The following ROBO1 variants were observed in gnomAD, a reference collection of about 807,000 sequenced individuals.
ROBO1 encodes roundabout guidance receptor 1.
Under a neutral mutation model 195.9 loss-of-function variants are expected in ROBO1, and 149 were observed. That is an observed-to-expected ratio of 0.76 (90% CI 0.67 to 0.87). The LOEUF is 0.87. ROBO1 is among the 40% of genes least tolerant of loss of function. The probability of loss-of-function intolerance (pLI) is 0.00; values close to 1 mark genes in which losing one functional copy is unlikely to be tolerated. For missense variants in ROBO1, 1,933 were observed against 2,068.3 expected, an observed-to-expected ratio of 0.93 and a Z score of 1.27; for synonymous variants, 816 against 733.2, an observed-to-expected ratio of 1.11 and a Z score of -1.82.
At chr3:78,961,004 CTTAT>C (rs2107833277) in intron 3 of ROBO1, among the ~76,000 whole-genome samples, 1 of 152,218 alleles carries the variant, frequency 6.6e-6, no homozygotes, top group South Asian at 2.1e-4. Flanking sequence ...CAATTGGAAT[CTTAT>C]TTATGCCACT....
chr3:78,981,457 G>A, intron 3 of ROBO1, among the ~76,000 whole-genome samples: 1 of 151,778 alleles, frequency 6.6e-6, no homozygotes, highest in East Asian at 1.9e-4. Context: ...TTTTAATTGT[G>A]GTAAAAAACA....
chr3:79,688,149 C>T (rs1404901439), intron 1 of ROBO1, among the ~76,000 whole-genome samples: 1 of 141,484 alleles, frequency 7.1e-6, no homozygotes, highest in Non-Finnish European at 1.5e-5. Context: ...TGTTCTCACT[C>T]ATAGGTGGGA....
rs141593948 is a variant in ROBO1, at chr3:79,423,155, C to A, written c.88+166669G>T. Among the ~76,000 whole-genome samples the A allele has an allele frequency of 2.2e-3, 338 of 152,122 alleles. 2 individuals are homozygous for A. The highest frequency in any genetic ancestry group is 7.6e-3 in the African/African-American group (316 of 41,510). On this transcript the variant is annotated intron_variant, in intron 2 of 30. Transcript: ENST00000464233. ...AACATAGATTCAATTATGTAACAAA[C>A]CTGAGAGTATATAAAAAAATGTTAG...
chr3:79,421,219 T>C (rs1228338935), intron 2 of ROBO1, among the ~76,000 whole-genome samples: 1 of 151,934 alleles, frequency 6.6e-6, no homozygotes, highest in Non-Finnish European at 1.5e-5. Context: ...TGGGACCTAA[T>C]TGAGGTTGGA....
At chr3:78,914,982 T>A (rs1294078486) in intron 4 of ROBO1, among the ~76,000 whole-genome samples, 3 of 151,908 alleles carry the variant, frequency 2.0e-5, no homozygotes, top group Non-Finnish European at 2.9e-5. Context: ...CATTATTAGG[T>A]GTTTGATTAA....
intron 2 of ROBO1, among the ~76,000 whole-genome samples, chr3:79,234,399 T>C (rs146126188): frequency 6.6e-6 from 1 of 152,222 alleles, no homozygotes; most frequent in East Asian, 1.9e-4. Context: ...TCATTCTGCA[T>C]ATAGCCAGCC....
At chr3:79,551,185 A>T (rs7629292) in intron 2 of ROBO1, among the ~76,000 whole-genome samples, 36,343 of 151,192 alleles carry the variant, frequency 0.24, 4,925 homozygotes, top group African/African-American at 0.36. Context: ...ACTTTTTTTT[A>T]AATTTTAATT....
intron 3 of ROBO1, among the ~76,000 whole-genome samples, chr3:78,971,378 A>G (rs1006766747): frequency 6.6e-6 from 1 of 152,114 alleles, no homozygotes; most frequent in Admixed American, 6.5e-5. Context: ...TGGGTGTCCT[A>G]GCAAGACCCT....
chr3:78,619,835 C>T (rs770419871), intron 26 of ROBO1, among the ~76,000 whole-genome samples: 8 of 151,668 alleles, frequency 5.3e-5, no homozygotes, highest in African/African-American at 1.7e-4. Context: ...CTGGCCAACA[C>T]GACGAAACCC....
At chr3:78,802,675 G>C (rs2108583140) in intron 4 of ROBO1, among the ~76,000 whole-genome samples, 2 of 151,670 alleles carry the variant, frequency 1.3e-5, no homozygotes, top group Non-Finnish European at 2.9e-5. Context: ...GACTTTTCTG[G>C]AGAGAATGCT....
At chr3:79,026,890 T>A (rs1054564630) in intron 3 of ROBO1, among the ~76,000 whole-genome samples, 1 of 152,094 alleles carries the variant, frequency 6.6e-6, no homozygotes, top group African/African-American at 2.4e-5. Context: ...GTTTAATGCT[T>A]TTGGTTTTTC....
chr3:79,453,520 C>G (rs1017133043), intron 2 of ROBO1, among the ~76,000 whole-genome samples: 4 of 151,974 alleles, frequency 2.6e-5, no homozygotes, highest in African/African-American at 9.7e-5. Context: ...CGAAGCCTCA[C>G]TTAGGCATAC....
At chr3:78,634,528 C>T (rs770516263) in intron 23 of ROBO1, 50 of 350,524 alleles carry the variant, frequency 1.4e-4, no homozygotes, top group Middle Eastern at 3.7e-4. Context: ...TATGGTCTGA[C>T]ATACCAAATC....
chr3:78,854,800 A>G (rs1407541250), intron 4 of ROBO1, among the ~76,000 whole-genome samples: 1 of 152,148 alleles, frequency 6.6e-6, no homozygotes, highest in African/African-American at 2.4e-5. Flanking sequence ...AATGCGATGA[A>G]GATTATAGGT....
intron 2 of ROBO1, among the ~76,000 whole-genome samples, chr3:79,537,372 T>C (rs1486528322): frequency 6.6e-6 from 1 of 152,142 alleles, no homozygotes; most frequent in African/African-American, 2.4e-5. Flanking sequence ...ACCCTGTGGA[T>C]ATCTGGAGCT....
chr3:78,714,957 GA>G (rs2081863285), intron 7 of ROBO1: 1 of 152,910 alleles, frequency 6.5e-6, no homozygotes, highest in Admixed American at 6.5e-5. Context: ...GGAGGTAAAG[GA>G]ACTTGGCCTT....
intron 4 of ROBO1, among the ~76,000 whole-genome samples, chr3:78,903,023 T>C (rs1440984176): frequency 6.6e-6 from 1 of 152,174 alleles, no homozygotes; most frequent in African/African-American, 2.4e-5. Flanking sequence ...ATTGCTTGTT[T>C]ATAAATACAG....
In ROBO1 at chr3:78,894,920, A is replaced by T. The variant is rs558373279; in HGVS notation, c.499+43681T>A. Among the ~76,000 whole-genome samples, 7 of 152,360 alleles carry T rather than the reference A, an allele frequency of 4.6e-5. No individual in the cohort carries two copies. The East Asian group carries it at 1.3e-3, about 29-fold the overall frequency. On this transcript the variant is annotated intron_variant, in intron 4 of 30. Transcript: ENST00000464233. Reference sequence around the variant, plus strand: ...AAAGAGGCTGGAGCACACGGAACAAAGCTATCTATTGCAGTGGATGAGCTT... The same window carrying T: ...AAAGAGGCTGGAGCACACGGAACAATGCTATCTATTGCAGTGGATGAGCTT...
intron 2 of ROBO1, among the ~76,000 whole-genome samples, chr3:79,299,873 A>G (rs1331654295): frequency 1.3e-5 from 2 of 152,122 alleles, no homozygotes; most frequent in African/African-American, 2.4e-5. Context: ...GGCTCCAGAA[A>G]GTCTACTAAA....
Sources: allele counts gnomAD v4.1 joint callset (sites outside exome capture counted in the v4.1 genomes callset), GRCh38; gene constraint gnomAD v4.1.1; transcripts MANE v1.5; gene names NCBI Gene and HGNC (gene_info 2026-07-23, HGNC 2026-07-21).